The following NR6A1 variants were observed in gnomAD, a reference collection of about 807,000 sequenced individuals.
NR6A1 encodes nuclear receptor subfamily 6 group A member 1.
In NR6A1, 7 loss-of-function variants were observed where a neutral mutation model predicts 59.1. The ratio of observed to expected loss-of-function variants is 0.12; its 90% CI spans 0.07 to 0.22. The LOEUF is 0.22. NR6A1 is among the 10% of genes least tolerant of loss of function. NR6A1 has a pLI of 1.00. For synonymous variants in NR6A1, 243 were observed against 236.1 expected (o/e 1.03, Z -0.27); for missense variants, 468 against 611.6 (o/e 0.77, Z 2.48).
At chr9:124,692,533 C>T in intron 2 of NR6A1, 1 of 529,318 alleles carries the variant, frequency 1.9e-6, no homozygotes, top group South Asian at 1.4e-5. Flanking sequence ...TGACCGTTGA[C>T]TGTACCTTGG....
intron 2 of NR6A1, among the ~76,000 whole-genome samples, chr9:124,653,410 G>T (rs1837158922): frequency 6.6e-6 from 1 of 151,938 alleles, no homozygotes; most frequent in African/African-American, 2.4e-5. Flanking sequence ...TTTGTCAGAG[G>T]TTTGTTTTGT....
At chr9:124,627,196 G>A (rs940464809) in intron 2 of NR6A1, among the ~76,000 whole-genome samples, 1 of 152,140 alleles carries the variant, frequency 6.6e-6, no homozygotes, top group African/African-American at 2.4e-5. Context: ...ACTGAGCTCT[G>A]ACAGATGTTT....
intron 2 of NR6A1, among the ~76,000 whole-genome samples, chr9:124,717,149 TG>T (rs140354483): frequency 5.8e-4 from 89 of 152,344 alleles, no homozygotes; most frequent in Non-Finnish European, 1.1e-3. Flanking sequence ...CATATACTAC[TG>T]GAACTAAGAT....
intron 1 of NR6A1, among the ~76,000 whole-genome samples, chr9:124,734,611 C>G (rs1839971052): frequency 6.6e-6 from 1 of 152,026 alleles, no homozygotes; most frequent in Admixed American, 6.6e-5. Flanking sequence ...GAGAATCTTT[C>G]GAGTCTGGGA....
At chr9:124,588,355 T>G (rs1311548447) in intron 2 of NR6A1, among the ~76,000 whole-genome samples, 1 of 151,846 alleles carries the variant, frequency 6.6e-6, no homozygotes, top group Non-Finnish European at 1.5e-5. Flanking sequence ...TTGCCCAGAC[T>G]GGAGTACAGT....
chr9:124,746,545 C>A (rs527475598), intron 1 of NR6A1, among the ~76,000 whole-genome samples: 1 of 151,840 alleles, frequency 6.6e-6, no homozygotes, highest in Non-Finnish European at 1.5e-5. Flanking sequence ...GCCAAGATTG[C>A]CTACTGCACT....
At chr9:124,554,268 G>T in intron 3 of NR6A1, 60 bp downstream of exon 3, 1 of 1,610,210 alleles carries the variant, frequency 6.2e-7, no homozygotes, top group Non-Finnish European at 8.5e-7. Context: ...CTAAACAGCT[G>T]ACACTAAAGG....
chr9:124,765,473 T>G (rs1840906121), intron 1 of NR6A1, among the ~76,000 whole-genome samples: 1 of 152,228 alleles, frequency 6.6e-6, no homozygotes, highest in African/African-American at 2.4e-5. Context: ...GTTCAATTAT[T>G]CCTATAATTT....
intron 2 of NR6A1, among the ~76,000 whole-genome samples, chr9:124,654,832 A>G (rs532331834): frequency 1.3e-5 from 2 of 150,358 alleles, no homozygotes; most frequent in African/African-American, 4.9e-5. Context: ...TGTTCCTGAT[A>G]CCTAGATACT....
chr9:124,715,300 G>A (rs1178953711), intron 2 of NR6A1, among the ~76,000 whole-genome samples: 1 of 151,954 alleles, frequency 6.6e-6, no homozygotes, highest in African/African-American at 2.4e-5. Context: ...AGGTGAGAGG[G>A]TAGCTTGTGG....
intron 2 of NR6A1, among the ~76,000 whole-genome samples, chr9:124,654,847 G>C (rs1837205708): frequency 7.1e-6 from 1 of 140,404 alleles, no homozygotes; most frequent in African/African-American, 2.6e-5. Flanking sequence ...GATACTGGTT[G>C]CTTTTATACA....
chr9:124,686,775 C>T (rs563999753), intron 2 of NR6A1, among the ~76,000 whole-genome samples: 1 of 151,256 alleles, frequency 6.6e-6, no homozygotes, highest in South Asian at 2.1e-4. Context: ...ACAAACACGG[C>T]TGACTGCAGC....
In NR6A1 at chr9:124,538,188, G is replaced by A. The variant is rs759083826; in HGVS notation, c.728C>T (p.Ala243Val). The A allele has an allele frequency of 1.2e-6, 2 of 1,614,122 alleles. No individual in the cohort carries two copies. Residue 243 changes from alanine to valine, a missense_variant, in exon 6 of 10, where the codon GCT becomes GTT. Ala to Val is a moderately conservative substitution (Grantham distance 64). This residue lies in a region of NR6A1 where 151 missense variants were observed against 142.8 expected (regional missense o/e 1.06). Transcript: ENST00000487099. Reference sequence around the variant, plus strand: ...GTATGACTGGGGATCCAGGCTGCGAGCTTGTTGGGGCAGAAGTGGTGAGTG... The same window carrying A: ...GTATGACTGGGGATCCAGGCTGCGAACTTGTTGGGGCAGAAGTGGTGAGTG... ...SGHSPLLPQQ[A>V]RSLDPQSYSL...
At chr9:124,725,102 C>A (rs1396505303) in intron 2 of NR6A1, among the ~76,000 whole-genome samples, 1 of 152,180 alleles carries the variant, frequency 6.6e-6, no homozygotes, top group Non-Finnish European at 1.5e-5. Flanking sequence ...GTAAACACGA[C>A]GGCCGAGGAA....
chr9:124,692,224 AAAT>A (rs1838572935), intron 2 of NR6A1, among the ~76,000 whole-genome samples: 1 of 152,210 alleles, frequency 6.6e-6, no homozygotes, highest in Non-Finnish European at 1.5e-5. Flanking sequence ...TAGAATCACA[AAAT>A]AATACCATTC....
rs1444608290 is a variant in NR6A1 at position 124,519,501 on chromosome 9, C to T, written c.*3204G>A. ...AAACTTTTGTCTTGGGACAAGAAAA[C>T]ATCAAAAAGGAGAGGGAGGGAAAGG... On this transcript the variant is annotated 3_prime_UTR_variant, in exon 10 of 10. Coordinates refer to ENST00000487099, the MANE Select transcript of NR6A1 (RefSeq NM_033334.4). 6.6e-6 allele frequency: 1 copy of T among 152,132 alleles called. No individual in the cohort carries two copies. The highest frequency in any genetic ancestry group is 2.4e-5 in the African/African-American group (1 of 41,420). 9.4% of individuals were successfully genotyped at this position (152,132 alleles called of 1,614,324 possible). A position where few individuals can be genotyped will look rare whatever the true frequency, so the allele number is the denominator to read the frequency against.
At chr9:124,566,792 G>T (rs1054225734) in intron 2 of NR6A1, among the ~76,000 whole-genome samples, 10 of 152,210 alleles carry the variant, frequency 6.6e-5, no homozygotes, top group African/African-American at 2.2e-4. Context: ...CTGAGTGCGG[G>T]GCAAAAGTAA....
intron 2 of NR6A1, among the ~76,000 whole-genome samples, chr9:124,590,092 C>CAAAAAAAAAAAAAAAAAA (rs1327869115): frequency 9.3e-5 from 6 of 64,800 alleles, no homozygotes; most frequent in African/African-American, 2.5e-4. Context: ...AAAAAAAAAG[C>CAAAAAAAAAAAAAAAAAA]AAAGCTAGTC....
At chr9:124,769,898 C>T (rs1841064829) in intron 1 of NR6A1, among the ~76,000 whole-genome samples, 1 of 152,246 alleles carries the variant, frequency 6.6e-6, no homozygotes, top group Admixed American at 6.5e-5. Context: ...CTCACAAAAG[C>T]TCCTAACACG....
Sources: allele counts gnomAD v4.1 joint callset (sites outside exome capture counted in the v4.1 genomes callset), GRCh38; gene constraint gnomAD v4.1.1; regional missense constraint gnomAD v4.1.1; transcripts MANE v1.5; gene names NCBI Gene and HGNC (gene_info 2026-07-23, HGNC 2026-07-21).